The following TESMIN variants were observed in gnomAD, a reference collection of about 807,000 sequenced individuals.
TESMIN encodes testis expressed metallothionein like protein, also known as CXC domain containing 2.
Under a neutral mutation model 47.4 loss-of-function variants are expected in TESMIN, and 34 were observed. The observed-to-expected ratio is 0.72, with a 90% CI of 0.55 to 0.96. TESMIN has a LOEUF of 0.96. Among genes scored for constraint, TESMIN ranks in the 40% least tolerant of loss-of-function variants. The pLI, the probability that TESMIN is intolerant of heterozygous loss-of-function variation, is 0.00. For synonymous variants in TESMIN, 278 were observed against 258.9 expected (o/e 1.07, Z -0.71); for missense variants, 610 against 637.2 (o/e 0.96, Z 0.46).
chr11:68,740,998 CCTCT>C (rs1158465487), intron 5 of TESMIN, among the ~76,000 whole-genome samples: 1 of 152,188 alleles, frequency 6.6e-6, no homozygotes, highest in African/African-American at 2.4e-5. Flanking sequence ...ATCCTTGACT[CCTCT>C]CTTTCTCTCA....
At chr11:68,709,965 G>C (rs1322498096) in intron 9 of TESMIN, among the ~76,000 whole-genome samples, 1 of 152,164 alleles carries the variant, frequency 6.6e-6, no homozygotes, top group East Asian at 1.9e-4. Context: ...TCAGGAGTTC[G>C]AGACCAATAT....
intron 8 of TESMIN, among the ~76,000 whole-genome samples, chr11:68,711,932 A>G (rs1261148361): frequency 6.6e-6 from 1 of 152,246 alleles, no homozygotes; most frequent in Non-Finnish European, 1.5e-5. Flanking sequence ...GCTGACCAAG[A>G]GCTGGCACTG....
At chr11:68,748,705 T>G (rs1314930843) in intron 2 of TESMIN, among the ~76,000 whole-genome samples, 1 of 152,212 alleles carries the variant, frequency 6.6e-6, no homozygotes, top group Non-Finnish European at 1.5e-5. Context: ...TCCATTTTAT[T>G]AATGAATCAG....
At chr11:68,725,286 C>A (rs1287902421) in intron 6 of TESMIN, among the ~76,000 whole-genome samples, 1 of 152,200 alleles carries the variant, frequency 6.6e-6, no homozygotes, top group African/African-American at 2.4e-5. Context: ...TGAATCCCTA[C>A]CTAATGCCAA....
In TESMIN at chr11:68,707,958, C is replaced by T. The variant is rs893485340; in HGVS notation, c.*350G>A. 3.5e-5 allele frequency: 16 copies of T among 455,458 alleles called. No homozygotes were observed. Among genetic ancestry groups the T allele is most frequent in the African/African-American group, 2.0e-4 (10 of 50,652 alleles). 28.2% of individuals were successfully genotyped at this position (455,458 alleles called of 1,614,324 possible). A position where few individuals can be genotyped will look rare whatever the true frequency, so the allele number is the denominator to read the frequency against. Reference sequence around the variant, plus strand: ...GAAGAGTCGACCAGAGTGAGCTCTCCGCAGGGCCTGCTCTGCCCTCCCCTG... The same window carrying T: ...GAAGAGTCGACCAGAGTGAGCTCTCTGCAGGGCCTGCTCTGCCCTCCCCTG... On this transcript the variant is annotated 3_prime_UTR_variant, in exon 10 of 10. Transcript: ENST00000255087.
In TESMIN at chr11:68,707,516, C is replaced by T. The variant is rs141045624; in HGVS notation, c.*792G>A. On this transcript the variant is annotated 3_prime_UTR_variant, in exon 10 of 10. Coordinates refer to ENST00000255087, the MANE Select transcript of TESMIN (RefSeq NM_004923.3). ...GCGTCAACTTAAGAATTCATTTTAC[C>T]TGCTGGTTTCCACAAGCTAGTTATG... The T allele has an allele frequency of 2.8e-3, 511 of 181,526 alleles. 3 individuals are homozygous for T. The highest frequency in any genetic ancestry group is 0.011 in the African/African-American group (488 of 43,154). The allele number at this position is 181,526 out of a possible 1,614,324, so 11.2% of individuals were successfully genotyped here.
Position 68,734,519 on chromosome 11 carries a change from A to G in TESMIN, c.917+4181T>C, listed in dbSNP as rs118059967. Among the ~76,000 whole-genome samples, 120 of 152,342 alleles carry G rather than the reference A, an allele frequency of 7.9e-4. 2 individuals are homozygous for G. In the East Asian group the frequency reaches 0.022, roughly 28 times the overall value. The stretch of plus-strand genomic sequence containing the variant: ...AACACCATGTGACAAAAACCAAACT[A>G]GATGAATTCTAAACGAATATAGCAT... On this transcript the variant is annotated intron_variant, in intron 6 of 9. Coordinates refer to ENST00000255087, the MANE Select transcript of TESMIN (RefSeq NM_004923.3).
intron 6 of TESMIN, among the ~76,000 whole-genome samples, chr11:68,723,511 A>G (rs1328713346): frequency 1.3e-5 from 2 of 151,714 alleles, no homozygotes; most frequent in African/African-American, 2.4e-5. Context: ...TAAGGTAAGC[A>G]GTTAACACAA....
chr11:68,750,360 G>C lies in TESMIN; in HGVS notation c.301C>G (p.Pro101Ala). The C allele has an allele frequency of 6.6e-7, 1 of 1,510,126 alleles. No individual in the cohort carries two copies. Among genetic ancestry groups the C allele is most frequent in the South Asian group, 1.3e-5 (1 of 78,102 alleles). The allele number at this position is 1,510,126 out of a possible 1,614,324, so 93.5% of individuals were successfully genotyped here. A position where few individuals can be genotyped will look rare whatever the true frequency, so the allele number is the denominator to read the frequency against. The change falls in exon 2 of 10, where the codon CCA becomes GCA. Residue 101 changes from proline (P) to alanine (A), a missense_variant. Coordinates refer to ENST00000255087, the MANE Select transcript of TESMIN (RefSeq NM_004923.3). ...ACGTCCTCCAGCGCGCTGAGCTCTG[G>C]GATCCCGGGGTACTCCCCGAGGAGC... is the stretch of plus-strand genomic sequence containing the variant. ...GELLGEYPGI[P>A]ELSALEDVAL...
In TESMIN at chr11:68,738,734, T is replaced by C. The variant is rs551598025; in HGVS notation, c.883A>G (p.Thr295Ala). 1.9e-6 allele frequency: 3 copies of C among 1,614,040 alleles called. No individual in the cohort carries two copies. Among genetic ancestry groups the C allele is most frequent in the Non-Finnish European group, 2.5e-6 (3 of 1,179,968 alleles). Residue 295 changes from threonine (T) to alanine (A), a missense_variant, in exon 6 of 10, where the codon ACT becomes GCT. Physicochemically the swap from Thr to Ala is moderately conservative, Grantham distance 58. Coordinates refer to ENST00000255087, the MANE Select transcript of TESMIN (RefSeq NM_004923.3). The part of the protein sequence containing the change: ...VNGSAFPSGS[T>A]LPGPPKITLA... Reference sequence around the variant, plus strand: ...GTTATTTTTGGTGGTCCTGGAAGAGTTGATCCCGAGGGGAAAGCAGACCCG... The same window carrying C: ...GTTATTTTTGGTGGTCCTGGAAGAGCTGATCCCGAGGGGAAAGCAGACCCG...
chr11:68,724,614 A>T (rs541656142), intron 6 of TESMIN, among the ~76,000 whole-genome samples: 1 of 152,328 alleles, frequency 6.6e-6, no homozygotes, highest in Admixed American at 6.5e-5. Flanking sequence ...AAGGTTAAGG[A>T]GTGTGCACTT....
chr11:68,707,723 G>A lies in TESMIN; in HGVS notation c.*585C>T, dbSNP rs550465324. The stretch of plus-strand genomic sequence containing the variant: ...CGAGGCCCCATTGCCTGCGTCTCCC[G>A]GGGGCCTTAGGAAAGACTGACAGTT... On this transcript the variant is annotated 3_prime_UTR_variant, in exon 10 of 10. Coordinates refer to ENST00000255087, the MANE Select transcript of TESMIN (RefSeq NM_004923.3). 1.4e-5 allele frequency: 6 copies of A among 421,000 alleles called. No homozygotes were observed. The highest frequency in any genetic ancestry group is 6.5e-5 in the South Asian group (4 of 61,194). 26.1% of individuals were successfully genotyped at this position (421,000 alleles called of 1,614,324 possible).
rs1946579547 is a variant in TESMIN at position 68,750,459 on chromosome 11, T to TCCTTGG, written c.201_202insCCAAGG (p.Phe67_Asn68insProArg). The TCCTTGG allele has an allele frequency of 6.3e-7, 1 of 1,592,346 alleles. No homozygotes were observed. The highest frequency in any genetic ancestry group is 8.6e-7 in the Non-Finnish European group (1 of 1,169,254). Reference sequence around the variant, plus strand: ...TTGCAGTCGGCGCCCAGCGCGGGGTTGAACGCGTGCAGGACGGGTTCCTTG... The same window carrying TCCTTGG: ...TTGCAGTCGGCGCCCAGCGCGGGGTTCCTTGGGAACGCGTGCAGGACGGGTTCCTTG... On this transcript the variant is annotated inframe_insertion, in exon 2 of 10. Coordinates refer to ENST00000255087, the MANE Select transcript of TESMIN (RefSeq NM_004923.3).
intron 6 of TESMIN, among the ~76,000 whole-genome samples, chr11:68,727,458 A>C (rs1280777845): frequency 1.3e-5 from 2 of 151,952 alleles, no homozygotes; most frequent in African/African-American, 4.8e-5. Flanking sequence ...AAACAAAACA[A>C]AAAAACAAAA....
At chr11:68,720,535 C>T (rs1197476368) in intron 6 of TESMIN, among the ~76,000 whole-genome samples, 1 of 152,220 alleles carries the variant, frequency 6.6e-6, no homozygotes, top group African/African-American at 2.4e-5. Context: ...TCCAGAACCA[C>T]ATCCCAGCTT....
At position 68,707,833 on chromosome 11, in the gene TESMIN, A is replaced by G. The variant is rs1298528363; in HGVS notation, c.*475T>C. ...TAGAGATTTTAAGTGGTATCACAAC[A>G]GCCCATCCGGAGAACTTATTTCTAA... On this transcript the variant is annotated 3_prime_UTR_variant, in exon 10 of 10. Transcript: ENST00000255087. 6.6e-6 allele frequency: 3 copies of G among 456,112 alleles called. No individual in the cohort carries two copies. In the Admixed American group the frequency reaches 7.0e-5, roughly 11 times the overall value. 28.3% of individuals were successfully genotyped at this position (456,112 alleles called of 1,614,324 possible).
intron 6 of TESMIN, among the ~76,000 whole-genome samples, chr11:68,731,048 G>A (rs1946320947): frequency 6.6e-6 from 1 of 152,196 alleles, no homozygotes; most frequent in Non-Finnish European, 1.5e-5. Context: ...TGTGGAGGAG[G>A]AAGATGAACG....
intron 6 of TESMIN, chr11:68,738,279 C>A: frequency 2.0e-6 from 2 of 998,982 alleles, no homozygotes; most frequent in Middle Eastern, 1.0e-3. Context: ...TGGAAGGCAG[C>A]GGGCGGAGGC....
chr11:68,740,664 A>G (rs930499279), intron 5 of TESMIN, among the ~76,000 whole-genome samples: 5 of 151,820 alleles, frequency 3.3e-5, no homozygotes, highest in Non-Finnish European at 5.9e-5. Flanking sequence ...CACTGATAAC[A>G]CTCTCTTTTA....
Sources: allele counts gnomAD v4.1 joint callset (sites outside exome capture counted in the v4.1 genomes callset), GRCh38; gene constraint gnomAD v4.1.1; transcripts MANE v1.5; gene names NCBI Gene and HGNC (gene_info 2026-07-23, HGNC 2026-07-21).